The following ITGAV variants were observed in gnomAD, a reference collection of about 807,000 sequenced individuals.
ITGAV encodes the protein integrin alpha-V.
In ITGAV, 76 loss-of-function variants were observed where a neutral mutation model predicts 143.8. That is an observed-to-expected ratio of 0.53 (90% CI 0.44 to 0.64). ITGAV has a LOEUF of 0.64. Among genes scored for constraint, ITGAV ranks in the 30% least tolerant of loss-of-function variants. The pLI is 0.00. For missense variants in ITGAV, 1,193 were observed against 1,274.7 expected, an observed-to-expected ratio of 0.94 and a Z score of 0.98; for synonymous variants, 453 against 446.7, an observed-to-expected ratio of 1.01 and a Z score of -0.18.
chr2:186,641,033 TA>T, intron 11 of ITGAV, 66 bp downstream of exon 11: 1 of 1,218,696 alleles, frequency 8.2e-7, no homozygotes, highest in Non-Finnish European at 1.2e-6. Context: ...TTACTCAAAC[TA>T]AACATTTTTT....
At chr2:186,611,377 T>C (rs1188373478) in intron 2 of ITGAV, among the ~76,000 whole-genome samples, 4 of 152,142 alleles carry the variant, frequency 2.6e-5, no homozygotes, top group Admixed American at 2.6e-4. Context: ...ATTTTCTTTT[T>C]TAATTATTTG....
chr2:186,666,200 A>G (rs910584336), intron 21 of ITGAV, among the ~76,000 whole-genome samples: 1 of 151,944 alleles, frequency 6.6e-6, no homozygotes, highest in African/African-American at 2.4e-5. Context: ...AAATCTACCA[A>G]TTTTCTGCCT....
At position 186,590,952 on chromosome 2, in the gene ITGAV, C is replaced by T. The variant is rs544874470; in HGVS notation, c.185+429C>T. Among the ~76,000 whole-genome samples the T allele has an allele frequency of 5.1e-3, 781 of 152,030 alleles. 7 individuals carry two copies. Among genetic ancestry groups the T allele is most frequent in the Non-Finnish European group, 8.2e-3 (557 of 67,962 alleles). On this transcript the variant is annotated intron_variant, in intron 1 of 29. Coordinates refer to ENST00000261023, the MANE Select transcript of ITGAV (RefSeq NM_002210.5). ...TTTTCTGCTTTACAGGCTTAACGCC[C>T]GTCCTTTTCAGTCTCCCTAAACAAG...
Position 186,632,384 on chromosome 2 carries a change from A to G in ITGAV, c.586-945A>G, listed in dbSNP as rs569096099. On this transcript the variant is annotated intron_variant, in intron 5 of 29. Coordinates refer to ENST00000261023, the MANE Select transcript of ITGAV (RefSeq NM_002210.5). ...TCACTTTCTTAAACACATTTCTGAG[A>G]AAAGGGTGTCTTTTTAGGGCAGATG... is the stretch of plus-strand genomic sequence containing the variant. 3.1e-3 allele frequency among the ~76,000 whole-genome samples: 470 copies of G among 151,508 alleles called. 1 individual carries two copies. Among genetic ancestry groups the G allele is most frequent in the African/African-American group, 0.011 (450 of 41,122 alleles).
chr2:186,637,222 C>G, intron 8 of ITGAV, 113 bp downstream of exon 8: 1 of 842,462 alleles, frequency 1.2e-6, no homozygotes, highest in Admixed American at 1.8e-5. Context: ...TGGCTGCAGC[C>G]TGTAATCTCA....
chr2:186,646,939 G>A, intron 13 of ITGAV, 62 bp downstream of exon 13: 1 of 1,057,842 alleles, frequency 9.5e-7, no homozygotes, highest in Non-Finnish European at 1.3e-6. Context: ...AATAGTATTA[G>A]TTACTGTTCT....
Position 186,605,825 on chromosome 2 carries a change from A to G in ITGAV, c.316+3674A>G, listed in dbSNP as rs1230464266. 9.5e-5 allele frequency among the ~76,000 whole-genome samples: 14 copies of G among 147,816 alleles called. No individual in the cohort carries two copies. The South Asian group carries it at 2.3e-3, about 25-fold the overall frequency. On this transcript the variant is annotated intron_variant, in intron 2 of 29. Transcript: ENST00000261023. ...ATATTCTTATGTATATGTATAATAC[A>G]TATATTCTTATGTATATGTATAATA...
chr2:186,590,764 G>A (rs1686594653), intron 1 of ITGAV, among the ~76,000 whole-genome samples: 1 of 152,196 alleles, frequency 6.6e-6, no homozygotes, highest in African/African-American at 2.4e-5. Context: ...GGGGCAGCGG[G>A]AGAGCTTTGA....
chr2:186,666,620 CATT>C, intron 21 of ITGAV, 81 bp from the exon 22 acceptor site: 1 of 653,728 alleles, frequency 1.5e-6, no homozygotes, highest in Non-Finnish European at 2.5e-6. Flanking sequence ...CATTTTAGAA[CATT>C]ATTTTTTATT....
intron 26 of ITGAV, among the ~76,000 whole-genome samples, chr2:186,673,022 T>G (rs1001115412): frequency 6.6e-6 from 1 of 152,214 alleles, no homozygotes; most frequent in African/African-American, 2.4e-5. Context: ...ATACCTAGGC[T>G]TTTTGGTTTT....
intron 12 of ITGAV, among the ~76,000 whole-genome samples, chr2:186,643,934 T>A (rs780083232): frequency 7.2e-5 from 11 of 152,202 alleles, no homozygotes; most frequent in Admixed American, 2.6e-4. Flanking sequence ...AAATTATGTT[T>A]TAATGAATAC....
chr2:186,630,599 G>A (rs909051722), intron 4 of ITGAV, among the ~76,000 whole-genome samples, 198 bp from the exon 5 acceptor site: 1 of 151,910 alleles, frequency 6.6e-6, no homozygotes, highest in East Asian at 1.9e-4. Context: ...TTTAATCTTC[G>A]TTTCCGTATC....
chr2:186,611,469 C>T (rs1342017167), intron 2 of ITGAV, among the ~76,000 whole-genome samples: 1 of 152,006 alleles, frequency 6.6e-6, no homozygotes, highest in African/African-American at 2.4e-5. Context: ...TCAAGTGATC[C>T]TCCCATCTCA....
rs926618343 is a variant in ITGAV at position 186,639,409 on chromosome 2, G to A, written c.903+944G>A. Among the ~76,000 whole-genome samples, 7 of 152,252 alleles carry A rather than the reference G, an allele frequency of 4.6e-5. No individual in the cohort carries two copies. In the South Asian group the frequency reaches 8.3e-4, roughly 18 times the overall value. ...CTCCTCCCATTTGTATGGCAGTCAA[G>A]ATTGATGCACAACCTGGAGGGCCCT... On this transcript the variant is annotated intron_variant, in intron 10 of 29. Transcript: ENST00000261023.
At chr2:186,629,027 A>G (rs1687749907) in intron 4 of ITGAV, among the ~76,000 whole-genome samples, 1 of 152,104 alleles carries the variant, frequency 6.6e-6, no homozygotes, top group South Asian at 2.1e-4. Context: ...AGACTTAAAA[A>G]GTTAATGTCA....
intron 2 of ITGAV, 128 bp downstream of exon 2, chr2:186,602,279 A>C (rs1249859413): frequency 7.9e-6 from 5 of 630,430 alleles, no homozygotes; most frequent in Non-Finnish European, 1.3e-5. Flanking sequence ...AGGGAAAATT[A>C]TATAAAGACA....
chr2:186,670,002 A>G (rs1689019966), intron 26 of ITGAV, 188 bp downstream of exon 26: 7 of 538,608 alleles, frequency 1.3e-5, no homozygotes, highest in Non-Finnish European at 2.0e-5. Flanking sequence ...CAAATGAGCT[A>G]TTTTTGTAGA....
At position 186,669,788 on chromosome 2, in the gene ITGAV, C is replaced by T. The variant is rs780249006; in HGVS notation, c.2680C>T (p.Leu894Phe). 2.5e-6 allele frequency: 4 copies of T among 1,613,628 alleles called. No homozygotes were observed. The Admixed American group carries it at 5.0e-5, about 20-fold the overall frequency. The part of the protein sequence containing the change: ...DHLITKRDLA[L>F]SEGDIHTLGC... ...TCTCATCACTAAGCGGGATCTTGCC[C>T]TCAGTGAAGGAGATATTCACACTTT... Residue 894 changes from leucine (L) to phenylalanine (F), a missense_variant, in exon 26 of 30, where the codon CTC (leucine) becomes TTC (phenylalanine). Transcript: ENST00000261023.
chr2:186,672,051 A>G (rs1397332643), intron 26 of ITGAV, among the ~76,000 whole-genome samples: 1 of 148,582 alleles, frequency 6.7e-6, no homozygotes, highest in Non-Finnish European at 1.5e-5. Context: ...TCCCGGGTTC[A>G]CGCCATTCTC....
Sources: allele counts gnomAD v4.1 joint callset (sites outside exome capture counted in the v4.1 genomes callset), GRCh38; gene constraint gnomAD v4.1.1; transcripts MANE v1.5; gene names NCBI Gene and HGNC (gene_info 2026-07-23, HGNC 2026-07-21).